NLRP5: variants seen among roughly 807,000 people sequenced by gnomAD.
NLRP5 encodes NLR family pyrin domain containing 5.
A neutral mutation model predicts 113.1 loss-of-function variants in NLRP5; 93 were observed. The ratio of observed to expected loss-of-function variants is 0.82; its 90% CI spans 0.70 to 0.98. NLRP5 has a LOEUF of 0.98. Ranked by LOEUF, NLRP5 falls within the 50% of genes least tolerant of loss-of-function variation. NLRP5 has a pLI of 0.00. For missense variants in NLRP5, 1,808 were observed against 1,514.3 expected, an observed-to-expected ratio of 1.19 and a Z score of -3.22; for synonymous variants, 751 against 600.7, an observed-to-expected ratio of 1.25 and a Z score of -3.66.
chr19:56,034,017 C>T (rs937288576), intron 9 of NLRP5, among the ~76,000 whole-genome samples: 4 of 152,224 alleles, frequency 2.6e-5, no homozygotes, highest in Admixed American at 6.5e-5. Context: ...TGGTCCTCCC[C>T]GCTTGGCCTC....
In NLRP5 at chr19:56,027,404, A is replaced by G. The variant is rs773700243; in HGVS notation, c.1171A>G (p.Ile391Val). The G allele has an allele frequency of 3.1e-6, 5 of 1,613,438 alleles. No individual in the cohort carries two copies. The highest frequency in any genetic ancestry group is 4.2e-6 in the Non-Finnish European group (5 of 1,179,730). The change falls in exon 7 of 15, where the codon ATA becomes GTA. Residue 391 changes from isoleucine (I) to valine (V), a missense_variant. Coordinates refer to ENST00000390649, the MANE Select transcript of NLRP5 (RefSeq NM_153447.4). Reference sequence around the variant, plus strand: ...TGAGAAGCAGCCTCCGTTCACCCTCATACGCAGTCTGCTGAGGAAGGTCCT... The same window carrying G: ...TGAGAAGCAGCCTCCGTTCACCCTCGTACGCAGTCTGCTGAGGAAGGTCCT...
intron 3 of NLRP5, among the ~76,000 whole-genome samples, chr19:56,012,291 G>T (rs113829229): frequency 6.6e-6 from 1 of 152,002 alleles, no homozygotes; most frequent in African/African-American, 2.4e-5. Flanking sequence ...TGGGACTATA[G>T]GCACCTGCCA....
intron 13 of NLRP5, among the ~76,000 whole-genome samples, chr19:56,056,237 A>G (rs779033939): frequency 2.0e-5 from 3 of 152,146 alleles, no homozygotes; most frequent in Non-Finnish European, 4.4e-5. Context: ...TATGATCTGC[A>G]CCAGTACACA....
chr19:56,008,290 A>C (rs73068129), intron 2 of NLRP5, among the ~76,000 whole-genome samples: 4,806 of 152,116 alleles, frequency 0.032, 108 homozygotes, highest in Non-Finnish European at 0.045. Flanking sequence ...GTGATCCCCA[A>C]GTTTCTGGCA....
Position 56,055,219 on chromosome 19 carries a change from T to A in NLRP5, c.3299+1411T>A, listed in dbSNP as rs116551865. On this transcript the variant is annotated intron_variant, in intron 13 of 14. Transcript: ENST00000390649. ...GTTAGCCAGGCTGCTTTTAAACTTC[T>A]GACCTCAAGTGATCCGCCGGCCTCA... is the stretch of plus-strand genomic sequence containing the variant. Among the ~76,000 whole-genome samples, 645 of 152,046 alleles carry A rather than the reference T, an allele frequency of 4.2e-3. 2 individuals are homozygous for A. Among genetic ancestry groups the A allele is most frequent in the African/African-American group, 0.014 (594 of 41,472 alleles).
At chr19:56,034,239 A>G (rs1296268896) in intron 9 of NLRP5, among the ~76,000 whole-genome samples, 2 of 152,208 alleles carry the variant, frequency 1.3e-5, no homozygotes, top group African/African-American at 2.4e-5. Flanking sequence ...AAATACAAAA[A>G]TTAGCCAGGC....
chr19:55,988,475 A>ATGC, the NLRP5 span: 1 of 106,140 alleles, frequency 9.4e-6, no homozygotes, highest in African/African-American at 3.9e-5. Flanking sequence ...TATATGCTAT[A>ATGC]TAAAGTTTAA....
chr19:56,009,355 A>AAAAAAAAAC (rs1428253417), intron 3 of NLRP5, among the ~76,000 whole-genome samples: 2 of 149,864 alleles, frequency 1.3e-5, no homozygotes, highest in Admixed American at 6.7e-5. Flanking sequence ...AAAAAAAAAA[A>AAAAAAAAAC]AAAAGAGTTC....
intron 2 of NLRP5, among the ~76,000 whole-genome samples, chr19:56,006,359 G>A (rs1303254410): frequency 1.3e-5 from 2 of 152,056 alleles, no homozygotes; most frequent in Non-Finnish European, 2.9e-5. Context: ...CACCAACATA[G>A]CACATGTATA....
At chr19:55,998,714 G>GTATATA (rs1555762453), upstream of NLRP5, among the ~76,000 whole-genome samples, 6 of 76,026 alleles carry the variant, frequency 7.9e-5, no homozygotes, top group Admixed American at 2.7e-4. Context: ...GTGTGTGTGT[G>GTATATA]TATATATATA....
At chr19:55,994,283 C>G in the NLRP5 span, among the ~76,000 whole-genome samples, 3 of 152,296 alleles carry the variant, frequency 2.0e-5, no homozygotes, top group Admixed American at 2.0e-4. Flanking sequence ...GGTTTTTACC[C>G]ACTTCTTAAA....
At chr19:55,999,629 C>T (rs983413090), upstream of NLRP5, 8 of 931,948 alleles carry the variant, frequency 8.6e-6, no homozygotes, top group South Asian at 1.3e-5. Context: ...TCACTGAAAC[C>T]TCACAGTAAC....
At position 56,036,058 on chromosome 19, in the gene NLRP5, C is replaced by CTTTTTTTTTTTTTGTTTT. The variant is rs1983300139; in HGVS notation, c.2616-1954_2616-1953insGTTTTTTTTTTTTTTTTT. ...ACATGCTGATGAATGAATTGAGATT[C>CTTTTTTTTTTTTTGTTTT]TTTTTTTTTTTTTTTTTTTTTTGGA... On this transcript the variant is annotated intron_variant, in intron 9 of 14. Coordinates refer to ENST00000390649, the MANE Select transcript of NLRP5 (RefSeq NM_153447.4). 2.6e-5 allele frequency among the ~76,000 whole-genome samples: 2 copies of CTTTTTTTTTTTTTGTTTT among 77,018 alleles called. 1 individual carries two copies. The highest frequency in any genetic ancestry group is 1.1e-4 in the African/African-American group (2 of 17,610). The allele number at this position is 77,018 out of a possible 152,430, so 50.5% of individuals were successfully genotyped here. A position where few individuals can be genotyped will look rare whatever the true frequency, so the allele number is the denominator to read the frequency against.
chr19:55,995,711 C>A (rs1414380633), upstream of NLRP5, among the ~76,000 whole-genome samples: 2 of 152,120 alleles, frequency 1.3e-5, no homozygotes. Flanking sequence ...TTCTTCTAAT[C>A]AGTGAACGTT....
chr19:56,036,022 A>G (rs1162540315), intron 9 of NLRP5, among the ~76,000 whole-genome samples: 1 of 146,050 alleles, frequency 6.8e-6, no homozygotes, highest in Non-Finnish European at 1.5e-5. Flanking sequence ...GTACTACGAC[A>G]TGTTCCTGGG....
In NLRP5 at chr19:56,058,201, G is replaced by A. The variant is rs373579871; in HGVS notation, c.3300-39G>A. 153 of 1,540,220 alleles carry A rather than the reference G, an allele frequency of 9.9e-5. No individual in the cohort carries two copies. The South Asian group carries it at 1.5e-3, about 15-fold the overall frequency. ...CGGGTTGAATGAAGGGTCCATCATCGATCTTTGGGGTTATTTTCTGGGTGT... is the reference window on the plus strand; with the variant it reads ...CGGGTTGAATGAAGGGTCCATCATCAATCTTTGGGGTTATTTTCTGGGTGT... On this transcript the variant is annotated intron_variant, in intron 13 of 14. Transcript: ENST00000390649.
rs1312828340 is a variant in NLRP5 at position 56,027,405 on chromosome 19, T to C, written c.1172T>C (p.Ile391Thr). 1.2e-6 allele frequency: 2 copies of C among 1,613,550 alleles called. No homozygotes were observed. Among genetic ancestry groups the C allele is most frequent in the Non-Finnish European group, 1.7e-6 (2 of 1,179,724 alleles). ...GAGAAGCAGCCTCCGTTCACCCTCA[T>C]ACGCAGTCTGCTGAGGAAGGTCCTG... Residue 391 changes from isoleucine (I) to threonine (T), a missense_variant, in exon 7 of 15, where the codon ATA (isoleucine) becomes ACA (threonine). Physicochemically the swap from Ile to Thr is moderately conservative, Grantham distance 89 (BLOSUM62 -1). Transcript: ENST00000390649.
At chr19:55,988,440 G>GTATATATATATATATATA in the NLRP5 span, 16 of 100,538 alleles carry the variant, frequency 1.6e-4, no homozygotes, top group South Asian at 1.6e-3. Context: ...ATATATGTGT[G>GTATATATATATATATATA]TGTGTATATA....
In NLRP5 at chr19:56,061,639, T is replaced by C; in HGVS notation, c.*111T>C. 1.7e-6 allele frequency: 2 copies of C among 1,210,430 alleles called. No individual in the cohort carries two copies. The highest frequency in any genetic ancestry group is 2.4e-6 in the Non-Finnish European group (2 of 837,358). 75.0% of individuals were successfully genotyped at this position (1,210,430 alleles called of 1,614,324 possible). A position where few individuals can be genotyped will look rare whatever the true frequency, so the allele number is the denominator to read the frequency against. On this transcript the variant is annotated 3_prime_UTR_variant, in exon 15 of 15. Coordinates refer to ENST00000390649, the MANE Select transcript of NLRP5 (RefSeq NM_153447.4). ...TTCCTTCTCAAAGATGGAGAATGATTTCTGATTCTCACAAAGCCCTCAATG... is the reference window on the plus strand; with the variant it reads ...TTCCTTCTCAAAGATGGAGAATGATCTCTGATTCTCACAAAGCCCTCAATG...
Sources: allele counts gnomAD v4.1 joint callset (sites outside exome capture counted in the v4.1 genomes callset), GRCh38; gene constraint gnomAD v4.1.1; transcripts MANE v1.5; gene names NCBI Gene and HGNC (gene_info 2026-07-23, HGNC 2026-07-21).